Variants in C3orf20 observed in about 807,000 individuals in gnomAD.
C3orf20 encodes family with sequence similarity 149 member C.
Under a neutral mutation model 88.3 loss-of-function variants are expected in C3orf20, and 76 were observed. That is an observed-to-expected ratio of 0.86 (90% CI 0.72 to 1.04). The LOEUF (loss-of-function observed/expected upper bound fraction) is 1.04. Among genes scored for constraint, C3orf20 ranks in the 50% least tolerant of loss-of-function variants. The probability of loss-of-function intolerance (pLI) is 0.00; values close to 1 mark genes in which losing one functional copy is unlikely to be tolerated. For missense variants in C3orf20, 1,056 were observed against 1,123.3 expected (o/e 0.94, Z 0.86); for synonymous variants, 436 against 437.4 (o/e 1.00, Z 0.04).
At chr3:14,713,038 C>G (rs1252674528) in intron 7 of C3orf20, among the ~76,000 whole-genome samples, 2 of 152,096 alleles carry the variant, frequency 1.3e-5, no homozygotes. Flanking sequence ...TTGAAGTTCT[C>G]TTATATAAGA....
intron 12 of C3orf20, among the ~76,000 whole-genome samples, chr3:14,732,813 A>T (rs1299305502): frequency 1.3e-5 from 2 of 152,016 alleles, no homozygotes; most frequent in Non-Finnish European, 2.9e-5. Flanking sequence ...TTTTCTTCTA[A>T]AAGCTTATTA....
chr3:14,698,013 G>A (rs2033084194), intron 5 of C3orf20, among the ~76,000 whole-genome samples: 1 of 152,128 alleles, frequency 6.6e-6, no homozygotes, highest in South Asian at 2.1e-4. Flanking sequence ...GTGCTGCAAT[G>A]AACATACGTG....
intron 12 of C3orf20, among the ~76,000 whole-genome samples, chr3:14,747,339 G>A (rs748264177): frequency 2.0e-4 from 30 of 152,152 alleles, no homozygotes; most frequent in Middle Eastern, 3.2e-3. Context: ...AATATCTCTG[G>A]TTATAGTGGT....
intron 12 of C3orf20, among the ~76,000 whole-genome samples, chr3:14,749,041 G>A (rs936299765): frequency 1.3e-5 from 2 of 152,052 alleles, no homozygotes; most frequent in Admixed American, 6.6e-5. Context: ...ATCAAAAGTG[G>A]GATGTTAAAG....
chr3:14,764,535 T>TTGTTG (rs1234773675), intron 15 of C3orf20, among the ~76,000 whole-genome samples: 7 of 152,068 alleles, frequency 4.6e-5, no homozygotes, highest in African/African-American at 1.7e-4. Flanking sequence ...GTTGTTGTTG[T>TTGTTG]TATTCTCTGT....
chr3:14,752,840 A>G (rs527661742), intron 12 of C3orf20, among the ~76,000 whole-genome samples: 1 of 152,374 alleles, frequency 6.6e-6, no homozygotes, highest in Admixed American at 6.5e-5. Context: ...AGGAAACGAC[A>G]GATGCTGGAG....
chr3:14,679,397 A>C (rs2031959685), intron 1 of C3orf20, among the ~76,000 whole-genome samples: 1 of 152,248 alleles, frequency 6.6e-6, no homozygotes. Context: ...ATTGGCCAGA[A>C]TAGAGAGCTA....
rs757368010 is a variant in C3orf20, at chr3:14,683,188, T to C, written c.475T>C (p.Ser159Pro). 4.4e-6 allele frequency: 7 copies of C among 1,582,510 alleles called. 1 individual carries two copies. In the East Asian group the frequency reaches 1.3e-4, roughly 30 times the overall value. ...LRLKMKAMVE[S>P]MSVGANPLDI... is the part of the protein sequence containing the mutation. ...ACTGAAGATGAAGGCCATGGTGGAG[T>C]CTATGTCGGGTAAGGCCCAGATGTT... Residue 159 changes from serine (S) to proline (P), a missense_variant, in exon 3 of 17, where the codon TCT becomes CCT. Coordinates refer to ENST00000253697, the MANE Select transcript of C3orf20 (RefSeq NM_032137.5).
intron 15 of C3orf20, among the ~76,000 whole-genome samples, chr3:14,769,398 G>A (rs2035801482): frequency 6.6e-6 from 1 of 151,946 alleles, no homozygotes; most frequent in African/African-American, 2.4e-5. Context: ...CACCAAGACA[G>A]GCTGTTAGAA....
In C3orf20 at chr3:14,727,021, G is replaced by T. The variant is rs572485123; in HGVS notation, c.1687G>T (p.Ala563Ser). ...TQFINSILLA[A>S]GLFTIEYPTK... Reference sequence around the variant, plus strand: ...GTTCATTAATTCTATCTTGCTGGCCGCAGGTAAGGAGGCTGAAAGGTGGGC... The same window carrying T: ...GTTCATTAATTCTATCTTGCTGGCCTCAGGTAAGGAGGCTGAAAGGTGGGC... The change falls in exon 11 of 17, where the codon GCA becomes TCA. Residue 563 changes from alanine to serine, a missense_variant. Coordinates refer to ENST00000253697, the MANE Select transcript of C3orf20 (RefSeq NM_032137.5). The T allele has an allele frequency of 2.0e-5, 32 of 1,614,112 alleles. No individual in the cohort carries two copies. In the East Asian group the frequency reaches 6.2e-4, roughly 31 times the overall value.
intron 13 of C3orf20, 144 bp from the exon 14 acceptor site, chr3:14,759,747 G>A (rs973241672): frequency 3.0e-6 from 2 of 671,226 alleles, no homozygotes; most frequent in South Asian, 1.7e-5. Context: ...AGGCCCAAGG[G>A]CCCCTGGAGC....
chr3:14,715,585 T>C (rs555641025), intron 9 of C3orf20, among the ~76,000 whole-genome samples, 176 bp downstream of exon 9: 7 of 152,372 alleles, frequency 4.6e-5, no homozygotes, highest in Admixed American at 4.6e-4. Context: ...TGGATGGTGG[T>C]CCAGGTTGGC....
chr3:14,730,013 A>C (rs2034484874), intron 12 of C3orf20, among the ~76,000 whole-genome samples: 1 of 152,252 alleles, frequency 6.6e-6, no homozygotes, highest in East Asian at 1.9e-4. Flanking sequence ...GAAATAGAGC[A>C]TTACCAGCTC....
In C3orf20 at chr3:14,765,896, G is replaced by T. The variant is rs144532664; in HGVS notation, c.2495+4281G>T. On this transcript the variant is annotated intron_variant, in intron 15 of 16. Transcript: ENST00000253697. ...GACCATAGGTGCTGGGGAAGAAAGG[G>T]TCCCCACGGGGGCCTCATGAGCTCC... Among the ~76,000 whole-genome samples the T allele has an allele frequency of 5.6e-3, 848 of 152,352 alleles. 8 individuals are homozygous for T. Among genetic ancestry groups the T allele is most frequent in the African/African-American group, 0.019 (785 of 41,586 alleles).
chr3:14,695,380 A>T (rs1433083201), intron 5 of C3orf20, among the ~76,000 whole-genome samples: 4 of 150,678 alleles, frequency 2.7e-5, no homozygotes, highest in Non-Finnish European at 5.9e-5. Context: ...TTTTTTTTTT[A>T]AATGTTTTAA....
intron 15 of C3orf20, among the ~76,000 whole-genome samples, chr3:14,766,419 G>T (rs1468821578): frequency 1.3e-5 from 2 of 152,206 alleles, no homozygotes; most frequent in African/African-American, 4.8e-5. Flanking sequence ...GGCTGGAGCT[G>T]CCAGGAAAGC....
rs903375000 is a variant in C3orf20 at position 14,768,376 on chromosome 3, C to T, written c.2496-3691C>T. Among the ~76,000 whole-genome samples the T allele has an allele frequency of 6.6e-6, 1 of 152,012 alleles. No homozygotes were observed. The highest frequency in any genetic ancestry group is 2.4e-5 in the African/African-American group (1 of 41,338). Reference sequence around the variant, plus strand: ...CTGAGGAACAGCAATCCACCCTTACCGGCTGCTCATGCCAGCAACCCCACA... The same window carrying T: ...CTGAGGAACAGCAATCCACCCTTACTGGCTGCTCATGCCAGCAACCCCACA... On this transcript the variant is annotated intron_variant, in intron 15 of 16. Transcript: ENST00000253697. This position sits in a 1 kb window ranked among gnomAD's most constrained non-coding sequence, Gnocchi z 4.1.
Position 14,704,593 on chromosome 3 carries a change from T to C in C3orf20, c.1135T>C (p.Phe379Leu). 1 of 1,613,966 alleles carries C rather than the reference T, an allele frequency of 6.2e-7. No homozygotes were observed. Among genetic ancestry groups the C allele is most frequent in the South Asian group, 1.1e-5 (1 of 91,080 alleles). Residue 379 changes from phenylalanine to leucine, a missense_variant, in exon 7 of 17, where the codon TTC becomes CTC. By Grantham distance (22) the Phe-to-Leu change is conservative. Transcript: ENST00000253697. ...PKKAFKFHYT[F>L]YDGSSFVYYP... ...GAAGGCCTTCAAGTTTCATTACACC[T>C]TCTATGATGGCTCCTCCTTCGTTTA...
Position 14,728,640 on chromosome 3 carries a change from C to T in C3orf20, c.1892C>T (p.Pro631Leu). The change falls in exon 12 of 17, where the codon CCA becomes CTA. Residue 631 changes from proline (P) to leucine (L), a missense_variant. Coordinates refer to ENST00000253697, the MANE Select transcript of C3orf20 (RefSeq NM_032137.5). ...GAGCCTGAGTCTGCTCCTGTGAGCCCAGTTCGGAAGACCACCAAAATCCAC... is the reference window on the plus strand; with the variant it reads ...GAGCCTGAGTCTGCTCCTGTGAGCCTAGTTCGGAAGACCACCAAAATCCAC... ...KDEPESAPVS[P>L]VRKTTKIHTK... The T allele has an allele frequency of 6.2e-7, 1 of 1,611,310 alleles. No individual in the cohort carries two copies. The highest frequency in any genetic ancestry group is 8.5e-7 in the Non-Finnish European group (1 of 1,179,060).
Sources: gnomAD v4.1 joint callset for allele counts (sites outside exome capture counted in the v4.1 genomes callset) on GRCh38, gnomAD v4.1.1 for gene constraint, Gnocchi (gnomAD v3.1) non-coding constraint, MANE v1.5 for transcripts, NCBI Gene and HGNC (gene_info 2026-07-23, HGNC 2026-07-21) for gene names.